TMEM132D: variants seen among roughly 807,000 people sequenced by gnomAD.
TMEM132D encodes the protein transmembrane protein 132D, also known as mature OL transmembrane protein.
In TMEM132D, 21 loss-of-function variants were observed where a neutral mutation model predicts 62.3. The ratio of observed to expected loss-of-function variants is 0.34; its 90% CI spans 0.24 to 0.49. The LOEUF is 0.49. TMEM132D is among the 20% of genes least tolerant of loss of function. The pLI is 0.99. For missense variants in TMEM132D, 1,346 were observed against 1,402.8 expected (o/e 0.96, Z 0.65); for synonymous variants, 621 against 575.6 (o/e 1.08, Z -1.13).
chr12:129,098,449 G>A (rs1386214), intron 5 of TMEM132D, among the ~76,000 whole-genome samples: 63,315 of 151,996 alleles, frequency 0.42, 13,888 homozygotes, highest in African/African-American at 0.57. Flanking sequence ...AAATGTCCTC[G>A]TGCCTACCTA....
chr12:129,218,718 T>G (rs1593300008), intron 4 of TMEM132D, among the ~76,000 whole-genome samples: 1 of 152,330 alleles, frequency 6.6e-6, no homozygotes, highest in East Asian at 1.9e-4. Context: ...AGATGCAAAC[T>G]TTTTGTTTCT....
In TMEM132D at chr12:129,634,158, G is replaced by A. The variant is rs997145269; in HGVS notation, c.968+65652C>T. ...GTCCCCTGCACTCAGTTCAGTCCCC[G>A]GCACACACACTGGGTACTTAAGAAA... is the stretch of plus-strand genomic sequence containing the variant. On this transcript the variant is annotated intron_variant, in intron 2 of 8. Coordinates refer to ENST00000422113, the MANE Select transcript of TMEM132D (RefSeq NM_133448.3). 4.6e-5 allele frequency among the ~76,000 whole-genome samples: 7 copies of A among 151,972 alleles called. No homozygotes were observed. In the South Asian group the frequency reaches 1.0e-3, roughly 22 times the overall value.
chr12:129,543,281 A>T, intron 2 of TMEM132D, among the ~76,000 whole-genome samples: 1 of 33,904 alleles, frequency 2.9e-5, no homozygotes, highest in Non-Finnish European at 5.2e-5. Flanking sequence ...GTAGGGGGTG[A>T]GTAAGTGGGT....
chr12:129,701,098 C>T (rs1881375536), intron 1 of TMEM132D, among the ~76,000 whole-genome samples: 1 of 152,146 alleles, frequency 6.6e-6, no homozygotes, highest in African/African-American at 2.4e-5. Flanking sequence ...GAGGCACCGT[C>T]CCATTGACTC....
chr12:129,565,476 G>A (rs1877344509), intron 2 of TMEM132D, among the ~76,000 whole-genome samples: 1 of 152,248 alleles, frequency 6.6e-6, no homozygotes, highest in African/African-American at 2.4e-5. Flanking sequence ...AGGTGTGCCT[G>A]AATTCCAAAG....
intron 3 of TMEM132D, among the ~76,000 whole-genome samples, chr12:129,428,148 A>ACC (rs879397115): frequency 4.6e-5 from 7 of 152,228 alleles, no homozygotes; most frequent in Non-Finnish European, 1.0e-4. Context: ...GTCAGAGGTG[A>ACC]TGTCCTAGAA....
chr12:129,758,364 G>A (rs1055043640), intron 1 of TMEM132D, among the ~76,000 whole-genome samples: 3 of 152,066 alleles, frequency 2.0e-5, no homozygotes, highest in African/African-American at 4.8e-5. Flanking sequence ...AAGTTACTCA[G>A]GGAAATGCTC....
chr12:129,847,356 A>T (rs1195976588), intron 1 of TMEM132D, among the ~76,000 whole-genome samples: 1 of 152,182 alleles, frequency 6.6e-6, no homozygotes. Context: ...TGCTGTGATT[A>T]ATTGGAAATG....
intron 1 of TMEM132D, among the ~76,000 whole-genome samples, chr12:129,843,730 T>A (rs1227990393): frequency 6.6e-6 from 1 of 151,996 alleles, no homozygotes; most frequent in Non-Finnish European, 1.5e-5. Context: ...ACTGACACAC[T>A]AACAAAATAG....
chr12:129,456,073 G>A (rs1342791840), intron 3 of TMEM132D, among the ~76,000 whole-genome samples: 45 of 152,142 alleles, frequency 3.0e-4, no homozygotes, highest in Non-Finnish European at 1.5e-5. Flanking sequence ...TGGATGGGCA[G>A]GTAGGATATT....
intron 3 of TMEM132D, among the ~76,000 whole-genome samples, chr12:129,408,061 C>T (rs1871849899): frequency 6.6e-6 from 1 of 152,148 alleles, no homozygotes; most frequent in Non-Finnish European, 1.5e-5. Context: ...GTCCCTCCGT[C>T]TGCCTGTATT....
At chr12:129,098,179 G>T (rs1875175705) in intron 5 of TMEM132D, among the ~76,000 whole-genome samples, 1 of 152,216 alleles carries the variant, frequency 6.6e-6, no homozygotes, top group African/African-American at 2.4e-5. Flanking sequence ...AGACAATGTG[G>T]CATTGCTGAA....
chr12:129,173,703 A>G (rs977835350), intron 5 of TMEM132D, among the ~76,000 whole-genome samples: 1 of 152,194 alleles, frequency 6.6e-6, no homozygotes, highest in East Asian at 1.9e-4. Context: ...TAGCTAAGTC[A>G]TAGGCTGTCA....
At chr12:129,462,367 T>G (rs1398874705) in intron 3 of TMEM132D, among the ~76,000 whole-genome samples, 3 of 152,148 alleles carry the variant, frequency 2.0e-5, no homozygotes, top group Non-Finnish European at 4.4e-5. Context: ...AAAGGTATCC[T>G]GAAGAAAGGA....
At chr12:129,497,659 T>C (rs1051297246) in intron 3 of TMEM132D, among the ~76,000 whole-genome samples, 3 of 152,156 alleles carry the variant, frequency 2.0e-5, no homozygotes, top group Admixed American at 6.5e-5. Flanking sequence ...AATCCTGTTA[T>C]TTGATTTTGT....
chr12:129,386,408 C>A (rs1048540838), intron 3 of TMEM132D, among the ~76,000 whole-genome samples: 7 of 152,166 alleles, frequency 4.6e-5, no homozygotes, highest in African/African-American at 1.7e-4. Flanking sequence ...AATCATAATA[C>A]AAACACAAAT....
intron 1 of TMEM132D, among the ~76,000 whole-genome samples, chr12:129,830,293 A>C (rs1872790423): frequency 6.6e-6 from 1 of 152,196 alleles, no homozygotes; most frequent in Admixed American, 6.6e-5. Flanking sequence ...ACACACTCAT[A>C]TATCATCCAG....
intron 4 of TMEM132D, among the ~76,000 whole-genome samples, chr12:129,213,842 C>T (rs1029204194): frequency 1.3e-5 from 2 of 152,192 alleles, no homozygotes; most frequent in Admixed American, 1.3e-4. Flanking sequence ...CGGGGGATCA[C>T]ATTTCAACAT....
intron 3 of TMEM132D, among the ~76,000 whole-genome samples, chr12:129,449,730 T>C (rs1393343635): frequency 1.3e-5 from 2 of 152,122 alleles, no homozygotes; most frequent in Non-Finnish European, 2.9e-5. Flanking sequence ...ATTTTAAAAT[T>C]TGTAAGTTTG....
Sources: gnomAD v4.1 joint callset for allele counts (sites outside exome capture counted in the v4.1 genomes callset) on GRCh38, gnomAD v4.1.1 for gene constraint, MANE v1.5 for transcripts, NCBI Gene and HGNC (gene_info 2026-07-23, HGNC 2026-07-21) for gene names.